The following NRXN1 variants were observed in gnomAD, a reference collection of about 807,000 sequenced individuals.
The protein encoded by NRXN1 is neurexin 1.
A neutral mutation model predicts 150.9 loss-of-function variants in NRXN1; 39 were observed. That is an observed-to-expected ratio of 0.26 (90% CI 0.20 to 0.34). The LOEUF is 0.34. NRXN1 is among the 10% of genes least tolerant of loss of function. The pLI is 1.00. For synonymous variants in NRXN1, 924 were observed against 757.0 expected (o/e 1.22, Z -3.62); for missense variants, 1,815 against 1,949.9 (o/e 0.93, Z 1.30).
intron 15 of NRXN1, among the ~76,000 whole-genome samples, chr2:50,474,969 G>C (rs1054795419): frequency 2.0e-5 from 3 of 151,822 alleles, no homozygotes; most frequent in African/African-American, 7.3e-5. Flanking sequence ...GCTCAAAATA[G>C]AAACCAAGGT....
At chr2:50,736,445 A>G (rs1450371789) in intron 5 of NRXN1, among the ~76,000 whole-genome samples, 3 of 152,122 alleles carry the variant, frequency 2.0e-5, no homozygotes, top group Admixed American at 1.3e-4. Flanking sequence ...ACGCTTCACA[A>G]GGATAGTGAT....
chr2:51,006,409 G>C (rs528804618), intron 2 of NRXN1, among the ~76,000 whole-genome samples: 11 of 151,818 alleles, frequency 7.2e-5, no homozygotes, highest in South Asian at 2.1e-4. Context: ...GTGGGGGAAG[G>C]GGGGAGGGAT....
intron 17 of NRXN1, among the ~76,000 whole-genome samples, chr2:50,359,939 T>C (rs932577422): frequency 7.2e-5 from 11 of 151,916 alleles, no homozygotes; most frequent in African/African-American, 2.7e-4. Flanking sequence ...CAGAAGAGAG[T>C]GGGGATCAAT....
At chr2:50,329,577 TAGTGTGTGTGTGTG>T (rs2076612247) in intron 17 of NRXN1, among the ~76,000 whole-genome samples, 1 of 55,346 alleles carries the variant, frequency 1.8e-5, no homozygotes, top group African/African-American at 8.6e-5. Context: ...TATATAACAG[TAGTGTGTGTGTGTG>T]TGTGTGTGTG....
At chr2:50,596,764 A>T (rs1325388601) in intron 8 of NRXN1, among the ~76,000 whole-genome samples, 1 of 151,812 alleles carries the variant, frequency 6.6e-6, no homozygotes, top group Non-Finnish European at 1.5e-5. Flanking sequence ...CCCACCTGAC[A>T]TGGACATTCA....
intron 5 of NRXN1, among the ~76,000 whole-genome samples, chr2:50,895,565 G>A (rs1681798983): frequency 6.9e-6 from 1 of 145,018 alleles, no homozygotes; most frequent in South Asian, 2.2e-4. Flanking sequence ...GTTTTTTTTG[G>A]TTGTTTTTTT....
intron 21 of NRXN1, among the ~76,000 whole-genome samples, chr2:50,046,467 G>T (rs183485899): frequency 6.6e-6 from 1 of 152,334 alleles, no homozygotes; most frequent in Admixed American, 6.5e-5. Flanking sequence ...AATTTACAGT[G>T]TGTACCTGAA....
At chr2:50,139,962 G>A (rs932122467) in intron 18 of NRXN1, among the ~76,000 whole-genome samples, 1 of 151,876 alleles carries the variant, frequency 6.6e-6, no homozygotes, top group African/African-American at 2.4e-5. Flanking sequence ...TTTTTTTAAA[G>A]ACTGATACAT....
chr2:50,972,140 A>G (rs909041620), intron 2 of NRXN1, among the ~76,000 whole-genome samples: 4 of 152,176 alleles, frequency 2.6e-5, no homozygotes, highest in Non-Finnish European at 5.9e-5. Context: ...AGGAATTATT[A>G]ATAAGGTATT....
intron 5 of NRXN1, among the ~76,000 whole-genome samples, chr2:50,865,521 G>A (rs995296482): frequency 1.3e-5 from 2 of 150,956 alleles, no homozygotes; most frequent in African/African-American, 2.4e-5. Context: ...GTTCCAGAGT[G>A]TATTTACCCA....
chr2:50,711,717 A>T (rs1695185623), intron 5 of NRXN1, among the ~76,000 whole-genome samples: 1 of 152,056 alleles, frequency 6.6e-6, no homozygotes, highest in Non-Finnish European at 1.5e-5. Flanking sequence ...CTTAACCCCG[A>T]ATGCAACAGT....
intron 21 of NRXN1, among the ~76,000 whole-genome samples, chr2:49,945,572 G>A (rs985756723): frequency 3.3e-5 from 5 of 151,952 alleles, no homozygotes; most frequent in African/African-American, 1.2e-4. Context: ...AGTGTGTGAT[G>A]TTCCCCTGCC....
At chr2:50,203,413 AGG>A (rs1016195852) in intron 18 of NRXN1, among the ~76,000 whole-genome samples, 1 of 152,140 alleles carries the variant, frequency 6.6e-6, no homozygotes, top group Non-Finnish European at 1.5e-5. Context: ...TTTTTGTACA[AGG>A]GTCCATGTTT....
chr2:50,055,854 GAACGAATA>G (rs563077763), intron 19 of NRXN1, among the ~76,000 whole-genome samples: 79 of 152,258 alleles, frequency 5.2e-4, no homozygotes, highest in African/African-American at 1.8e-3. Flanking sequence ...ACAGCTTAAG[GAACGAATA>G]TAAGCCACAA....
At chr2:50,400,326 G>T (rs1042019566) in intron 17 of NRXN1, among the ~76,000 whole-genome samples, 1 of 151,942 alleles carries the variant, frequency 6.6e-6, no homozygotes, top group African/African-American at 2.4e-5. Context: ...GATGATAATT[G>T]TTTATTCATC....
At chr2:50,683,787 T>A (rs1293074472) in intron 5 of NRXN1, among the ~76,000 whole-genome samples, 1 of 149,932 alleles carries the variant, frequency 6.7e-6, no homozygotes, top group East Asian at 2.0e-4. Context: ...CAGTGACTGA[T>A]GTTCACAATG....
chr2:50,852,437 T>C (rs1674654220), intron 5 of NRXN1, among the ~76,000 whole-genome samples: 2 of 152,200 alleles, frequency 1.3e-5, no homozygotes, highest in South Asian at 4.1e-4. Context: ...AAAAATAGTT[T>C]TTTAAAGTTT....
At chr2:50,109,203 C>A (rs1013391625) in intron 18 of NRXN1, among the ~76,000 whole-genome samples, 1 of 152,138 alleles carries the variant, frequency 6.6e-6, no homozygotes, top group African/African-American at 2.4e-5. Context: ...TGGCAGTCTG[C>A]GAAACAAGAG....
At chr2:50,844,430 C>T (rs1376763495) in intron 5 of NRXN1, among the ~76,000 whole-genome samples, 1 of 152,160 alleles carries the variant, frequency 6.6e-6, no homozygotes, top group African/African-American at 2.4e-5. Flanking sequence ...TGGTTTGTTA[C>T]ATTTGCAGGC....
Sources: allele counts gnomAD v4.1 joint callset (sites outside exome capture counted in the v4.1 genomes callset), GRCh38; gene constraint gnomAD v4.1.1; transcripts MANE v1.5; gene names NCBI Gene and HGNC (gene_info 2026-07-23, HGNC 2026-07-21).